Variants in SLC4A1AP observed in about 807,000 individuals in gnomAD.
The protein encoded by SLC4A1AP is solute carrier family 4 member 1 adaptor protein, also known as kanadaptin.
A neutral mutation model predicts 89.7 loss-of-function variants in SLC4A1AP; 64 were observed. That is an observed-to-expected ratio of 0.71 (90% CI 0.58 to 0.88). SLC4A1AP has a LOEUF of 0.88. Among genes scored for constraint, SLC4A1AP ranks in the 40% least tolerant of loss-of-function variants. The pLI is 0.00. For missense variants in SLC4A1AP, 931 were observed against 965.0 expected, an observed-to-expected ratio of 0.96 and a Z score of 0.47; for synonymous variants, 366 against 353.3, an observed-to-expected ratio of 1.04 and a Z score of -0.40.
exon 1 of SLC4A1AP, chr2:27,664,184 C>T (rs1340482129): frequency 5.6e-6 from 9 of 1,614,040 alleles, no homozygotes; most frequent in South Asian, 1.1e-5. Context: ...CGGTTTCTTC[C>T]CCTGGCGGTC....
At chr2:27,683,164 G>A (rs1468107911) in intron 9 of SLC4A1AP, among the ~76,000 whole-genome samples, 2 of 152,162 alleles carry the variant, frequency 1.3e-5, no homozygotes, top group African/African-American at 2.4e-5. Context: ...TCACACCAGC[G>A]TTATGTAACT....
At chr2:27,684,104 G>C (rs764160946) in intron 9 of SLC4A1AP, among the ~76,000 whole-genome samples, 4 of 152,042 alleles carry the variant, frequency 2.6e-5, no homozygotes, top group Non-Finnish European at 5.9e-5. Context: ...GCCCTCCTTA[G>C]AGAATTTTAG....
chr2:27,685,016 A>G (rs757350723), intron 9 of SLC4A1AP, 21 bp from the exon 10 acceptor site: 5 of 1,570,608 alleles, frequency 3.2e-6, no homozygotes, highest in East Asian at 2.2e-5. Context: ...CTACTTGTTC[A>G]TGGTTTTGTT....
exon 10 of SLC4A1AP, chr2:27,685,221 T>C (rs780063140): frequency 1.2e-6 from 2 of 1,614,062 alleles, no homozygotes; most frequent in Non-Finnish European, 1.7e-6. Flanking sequence ...GAAGCAGCAG[T>C]GCAGGAAATG....
chr2:27,678,310 T>C (rs1235043258), intron 8 of SLC4A1AP, among the ~76,000 whole-genome samples: 8 of 152,032 alleles, frequency 5.3e-5, no homozygotes, highest in Non-Finnish European at 8.8e-5. Flanking sequence ...TTTGGGAGGT[T>C]GAAGCAGGCA....
intron 10 of SLC4A1AP, among the ~76,000 whole-genome samples, chr2:27,685,629 C>T (rs942733611): frequency 1.3e-5 from 2 of 152,112 alleles, no homozygotes; most frequent in South Asian, 2.1e-4. Context: ...AGGTGGTCTC[C>T]GGATAAGTCA....
chr2:27,687,621 C>T (rs192304832), intron 10 of SLC4A1AP, among the ~76,000 whole-genome samples: 6 of 152,118 alleles, frequency 3.9e-5, no homozygotes, highest in Middle Eastern at 3.4e-3. Flanking sequence ...GTGGTCATCT[C>T]TGATTTTTAA....
intron 6 of SLC4A1AP, among the ~76,000 whole-genome samples, chr2:27,676,185 AC>A (rs1243325822): frequency 1.3e-5 from 2 of 152,212 alleles, no homozygotes. Flanking sequence ...CTAGAAAAAA[AC>A]ATAAGATTAA....
At position 27,673,793 on chromosome 2, in the gene SLC4A1AP, A is replaced by G. The variant is rs991735630; in HGVS notation, c.1346-1739A>G. On this transcript the variant is annotated intron_variant, in intron 5 of 13. Transcript: ENST00000613058. ...GCAAATTAGGCTTATATTAATAAGG[A>G]CTATTTTCCTTGCAAATAATAGAAG... Among the ~76,000 whole-genome samples, 2 of 152,172 alleles carry G rather than the reference A, an allele frequency of 1.3e-5. 1 individual carries two copies. Among genetic ancestry groups the G allele is most frequent in the African/African-American group, 4.8e-5 (2 of 41,430 alleles).
intron 10 of SLC4A1AP, among the ~76,000 whole-genome samples, chr2:27,686,491 A>G (rs1463449882): frequency 4.6e-5 from 7 of 152,242 alleles, no homozygotes; most frequent in African/African-American, 1.7e-4. Context: ...TTGGCCAGGC[A>G]CAGTGGCTCA....
chr2:27,693,834 C>T, intron 13 of SLC4A1AP, 80 bp downstream of exon 13: 2 of 1,073,666 alleles, frequency 1.9e-6, no homozygotes, highest in South Asian at 1.5e-5. Context: ...TAAGGTTCAA[C>T]ATAAGAAAGT....
rs1210167165 is a variant in SLC4A1AP at position 27,688,690 on chromosome 2, C to G, written c.2204-10C>G. ...AAATAGCTATTGCCAGTTTTTTTTT[C>G]TTAAATTAGCATCAAAGAATGAATA... On this transcript the variant is annotated splice_polypyrimidine_tract_variant and intron_variant, in intron 11 of 13. Transcript: ENST00000613058. 1 of 1,565,614 alleles carries G rather than the reference C, an allele frequency of 6.4e-7. No individual in the cohort carries two copies. Among genetic ancestry groups the G allele is most frequent in the Non-Finnish European group, 8.6e-7 (1 of 1,159,788 alleles).
chr2:27,673,000 C>T (rs77956651), intron 5 of SLC4A1AP, among the ~76,000 whole-genome samples: 1,920 of 149,928 alleles, frequency 0.013, 19 homozygotes, highest in Non-Finnish European at 0.021. Flanking sequence ...CTAGTCAACT[C>T]GTAATCCAAA....
At chr2:27,685,694 C>G (rs896655505) in intron 10 of SLC4A1AP, among the ~76,000 whole-genome samples, 2 of 152,148 alleles carry the variant, frequency 1.3e-5, no homozygotes, top group African/African-American at 4.8e-5. Flanking sequence ...CATAATTGTA[C>G]TCATTGGACT....
chr2:27,671,720 T>G (rs1675429695), intron 5 of SLC4A1AP, among the ~76,000 whole-genome samples: 1 of 152,216 alleles, frequency 6.6e-6, no homozygotes, highest in Admixed American at 6.5e-5. Context: ...CAGTAGTACA[T>G]CCTTCTGTAC....
intron 2 of SLC4A1AP, among the ~76,000 whole-genome samples, chr2:27,666,359 A>ACCCACCCCCCCACC (rs1675320653): frequency 3.0e-4 from 1 of 3,360 alleles, no homozygotes; most frequent in African/African-American, 5.7e-4. Context: ...TCCACCCCCC[A>ACCCACCCCCCCACC]CCCCCCCCCC....
exon 1 of SLC4A1AP, chr2:27,664,320 C>T (rs529018943): frequency 2.5e-6 from 4 of 1,614,194 alleles, no homozygotes; most frequent in Non-Finnish European, 3.4e-6. Context: ...GAGTTACTGC[C>T]TTTTCGGGAG....
intron 10 of SLC4A1AP, 35 bp from the exon 11 acceptor site, chr2:27,687,899 A>G: frequency 6.5e-7 from 1 of 1,532,244 alleles, no homozygotes; most frequent in Non-Finnish European, 9.0e-7. Context: ...CATGAATTAA[A>G]TCATGACAAT....
At chr2:27,691,849 C>T (rs1364594702) in intron 12 of SLC4A1AP, 2 of 152,228 alleles carry the variant, frequency 1.3e-5, no homozygotes. Context: ...CCCAGCCTCT[C>T]AAAGTGCTGG....
Sources: allele counts gnomAD v4.1 joint callset (sites outside exome capture counted in the v4.1 genomes callset), GRCh38; gene constraint gnomAD v4.1.1; transcripts MANE v1.5; gene names NCBI Gene and HGNC (gene_info 2026-07-23, HGNC 2026-07-21).